The following AGAP1 variants were observed in gnomAD, a reference collection of about 807,000 sequenced individuals.
AGAP1 encodes the protein arf-GAP with GTPase, ANK repeat and PH domain-containing protein 1.
In AGAP1, 29 loss-of-function variants were observed where a neutral mutation model predicts 105.3. The ratio of observed to expected loss-of-function variants is 0.28; its 90% CI spans 0.21 to 0.38. The LOEUF (loss-of-function observed/expected upper bound fraction) is 0.38, where lower values mean the gene tolerates loss of function less well. Among genes scored for constraint, AGAP1 ranks in the 10% least tolerant of loss-of-function variants. AGAP1 has a pLI of 1.00. For missense variants in AGAP1, 998 were observed against 1,165.1 expected (o/e 0.86, Z 2.09); for synonymous variants, 509 against 485.9 (o/e 1.05, Z -0.63).
In AGAP1 at chr2:235,966,286, C is replaced by T. The variant is rs552510303; in HGVS notation, c.1484-2176C>T. The stretch of plus-strand genomic sequence containing the variant: ...GGATGGAGGAGAGGGGGGCCTGTTC[C>T]TCTGGGGATGGAGAAGAGGGGGGCC... On this transcript the variant is annotated intron_variant, in intron 12 of 17. Transcript: ENST00000304032. Among the ~76,000 whole-genome samples, 326 of 144,548 alleles carry T rather than the reference C, an allele frequency of 2.3e-3. 1 individual carries two copies. Among genetic ancestry groups the T allele is most frequent in the Middle Eastern group, 3.9e-3 (1 of 258 alleles). The allele number at this position is 144,548 out of a possible 152,430, so 94.8% of individuals were successfully genotyped here. A position where few individuals can be genotyped will look rare whatever the true frequency, so the allele number is the denominator to read the frequency against.
rs2051081262 is a variant in AGAP1, at chr2:235,901,877, T to C, written c.1156-6861T>C. Among the ~76,000 whole-genome samples the C allele has an allele frequency of 4.8e-5, 3 of 62,272 alleles. No individual in the cohort carries two copies. In the South Asian group the frequency reaches 3.1e-3, roughly 65 times the overall value. 40.9% of individuals were successfully genotyped at this position (62,272 alleles called of 152,430 possible). On this transcript the variant is annotated intron_variant, in intron 10 of 17. Transcript: ENST00000304032. This position sits in a 1 kb window ranked among gnomAD's most constrained non-coding sequence, Gnocchi z 4.3. ...CTGGGCGACAGAGTGAGACTCCGTC[T>C]CGGAAAAAAAAAAAAAAATTATGGA...
At chr2:235,869,326 T>TG (rs1246697087) in intron 9 of AGAP1, among the ~76,000 whole-genome samples, 3 of 144,376 alleles carry the variant, frequency 2.1e-5, no homozygotes, top group African/African-American at 5.1e-5. Flanking sequence ...GGCTCACGCC[T>TG]GTAATCCCAG....
At chr2:235,898,737 C>T (rs1192615825) in intron 10 of AGAP1, among the ~76,000 whole-genome samples, 1 of 152,122 alleles carries the variant, frequency 6.6e-6, no homozygotes, top group African/African-American at 2.4e-5. Flanking sequence ...TATCATGAAG[C>T]TAGAACTGTT....
rs996563682 is a variant in AGAP1, at chr2:235,905,481, G to A, written c.1156-3257G>A. Among the ~76,000 whole-genome samples the A allele has an allele frequency of 6.6e-6, 1 of 152,144 alleles. No individual in the cohort carries two copies. The highest frequency in any genetic ancestry group is 6.5e-5 in the Admixed American group (1 of 15,274). ...TGACCAACACTCACCACTCTACGGT[G>A]TGCTTTTCCTTTCTTTTCTCTTTTC... On this transcript the variant is annotated intron_variant, in intron 10 of 17. Transcript: ENST00000304032. This position sits in a 1 kb window ranked among gnomAD's most constrained non-coding sequence, Gnocchi z 4.2.
chr2:235,501,386 T>A (rs1351553279), intron 1 of AGAP1, among the ~76,000 whole-genome samples: 1 of 152,220 alleles, frequency 6.6e-6, no homozygotes, highest in Non-Finnish European at 1.5e-5. Flanking sequence ...ATTCACTTAT[T>A]ATATGATAAT....
rs1321372315 is a variant in AGAP1, at chr2:236,036,263, T to C, written c.1646-298T>C. Among the ~76,000 whole-genome samples the C allele has an allele frequency of 6.6e-6, 1 of 152,232 alleles. No homozygotes were observed. Among genetic ancestry groups the C allele is most frequent in the Non-Finnish European group, 1.5e-5 (1 of 68,040 alleles). ...GCCATGAGTTACATGGTTATTCTCC[T>C]AAGTTGCTTTGTGTGTGCACCACAC... On this transcript the variant is annotated intron_variant, in intron 13 of 17. Coordinates refer to ENST00000304032, the MANE Select transcript of AGAP1 (RefSeq NM_001037131.3). This position sits in a 1 kb window ranked among gnomAD's most constrained non-coding sequence, Gnocchi z 5.7.
chr2:235,523,894 G>T (rs1942724225), intron 1 of AGAP1, among the ~76,000 whole-genome samples: 1 of 152,024 alleles, frequency 6.6e-6, no homozygotes, highest in African/African-American at 2.4e-5. Context: ...CCTGACCAGG[G>T]TATGGGATTG....
chr2:235,912,889 T>C (rs2051687877), intron 11 of AGAP1, among the ~76,000 whole-genome samples: 1 of 152,254 alleles, frequency 6.6e-6, no homozygotes, highest in African/African-American at 2.4e-5. Context: ...GTAATGAAGT[T>C]GAACAGCTCA....
intron 13 of AGAP1, among the ~76,000 whole-genome samples, chr2:235,986,188 C>G (rs771012617): frequency 2.6e-5 from 4 of 152,018 alleles, no homozygotes; most frequent in Non-Finnish European, 5.9e-5. Flanking sequence ...CCTTCACATC[C>G]CTTGTTAGTT....
intron 1 of AGAP1, among the ~76,000 whole-genome samples, chr2:235,686,622 TATATATATATATATATATATATAG>T (rs1353374609): frequency 4.7e-4 from 13 of 27,582 alleles, no homozygotes; most frequent in Non-Finnish European, 9.0e-4. Context: ...GAGATATAGA[TATATATATATATATATATATATAG>T]ATATATATAT....
rs1171309676 is a variant in AGAP1, at chr2:235,982,825, C to T, written c.1645+14202C>T. The stretch of plus-strand genomic sequence containing the variant: ...ATTAATATGTTACTGTCATCAGTGA[C>T]TTGTTACCTTCTGTTTCTGATTGCC... On this transcript the variant is annotated intron_variant, in intron 13 of 17. Coordinates refer to ENST00000304032, the MANE Select transcript of AGAP1 (RefSeq NM_001037131.3). This position sits in a 1 kb window ranked among gnomAD's most constrained non-coding sequence, Gnocchi z 4.9. 6.6e-6 allele frequency among the ~76,000 whole-genome samples: 1 copy of T among 152,188 alleles called. No homozygotes were observed. Among genetic ancestry groups the T allele is most frequent in the Non-Finnish European group, 1.5e-5 (1 of 68,040 alleles).
rs554144582 is a variant in AGAP1, at chr2:236,053,619, A to G, written c.2114+4338A>G. Among the ~76,000 whole-genome samples, 24 of 152,388 alleles carry G rather than the reference A, an allele frequency of 1.6e-4. No homozygotes were observed. Among genetic ancestry groups the G allele is most frequent in the African/African-American group, 5.5e-4 (23 of 41,598 alleles). Reference sequence around the variant, plus strand: ...TGGCAGAAGCCTCGCTCTGCGTGGCACTGCATCTCCCCATCTTTGTGTCCT... The same window carrying G: ...TGGCAGAAGCCTCGCTCTGCGTGGCGCTGCATCTCCCCATCTTTGTGTCCT... On this transcript the variant is annotated intron_variant, in intron 16 of 17. Coordinates refer to ENST00000304032, the MANE Select transcript of AGAP1 (RefSeq NM_001037131.3). The surrounding 1 kb of genome is among the most constrained non-coding windows in gnomAD (Gnocchi z 4.6).
intron 6 of AGAP1, among the ~76,000 whole-genome samples, chr2:235,785,663 G>T (rs1221562392): frequency 6.6e-6 from 1 of 151,834 alleles, no homozygotes; most frequent in East Asian, 1.9e-4. Flanking sequence ...TTAAAATTTT[G>T]TGTAGTTTCT....
intron 16 of AGAP1, among the ~76,000 whole-genome samples, chr2:236,077,986 C>G (rs2058684351): frequency 1.3e-5 from 2 of 151,962 alleles, no homozygotes; most frequent in South Asian, 4.1e-4. Context: ...GGTCTTTGCT[C>G]TGCTCACAGC....
intron 7 of AGAP1, among the ~76,000 whole-genome samples, chr2:235,798,870 CAAAAA>C (rs1041317180): frequency 6.1e-5 from 3 of 49,004 alleles, no homozygotes; most frequent in Non-Finnish European, 1.4e-4. Flanking sequence ...GACCCTGTCT[CAAAAA>C]AAAAAAAAAA....
At chr2:235,903,954 C>G (rs543414974) in intron 10 of AGAP1, among the ~76,000 whole-genome samples, 1 of 152,124 alleles carries the variant, frequency 6.6e-6, no homozygotes, top group South Asian at 2.1e-4. Context: ...GCGTCCTTCT[C>G]CAAAGGCAGC....
chr2:235,957,280 C>T lies in AGAP1; in HGVS notation c.1484-11182C>T, dbSNP rs1408594440. Among the ~76,000 whole-genome samples, 1 of 152,198 alleles carries T rather than the reference C, an allele frequency of 6.6e-6. No individual in the cohort carries two copies. Among genetic ancestry groups the T allele is most frequent in the East Asian group, 1.9e-4 (1 of 5,194 alleles). Reference sequence around the variant, plus strand: ...CTGACTAGGCTTAATTTAGAGAGATCTCTGGGCGTAATTGAAAATGGCCCA... The same window carrying T: ...CTGACTAGGCTTAATTTAGAGAGATTTCTGGGCGTAATTGAAAATGGCCCA... On this transcript the variant is annotated intron_variant, in intron 12 of 17. Transcript: ENST00000304032. This position sits in a 1 kb window ranked among gnomAD's most constrained non-coding sequence, Gnocchi z 4.6.
chr2:236,073,001 CTT>C lies in AGAP1; in HGVS notation c.2114+23732_2114+23733del, dbSNP rs60857911. 2.7e-5 allele frequency among the ~76,000 whole-genome samples: 4 copies of C among 145,894 alleles called. No individual in the cohort carries two copies. Among genetic ancestry groups the C allele is most frequent in the African/African-American group, 7.5e-5 (3 of 40,186 alleles). On this transcript the variant is annotated intron_variant, in intron 16 of 17. Transcript: ENST00000304032. The surrounding 1 kb of genome is among the most constrained non-coding windows in gnomAD (Gnocchi z 5.4). Reference sequence around the variant, plus strand: ...AAAGCATTCAGGAGATATTTATATTCTTTTTTTTTTTTTCCTAGACAGTCTCG... The same window carrying C: ...AAAGCATTCAGGAGATATTTATATTCTTTTTTTTTTTCCTAGACAGTCTCG...
At chr2:235,773,573 A>G (rs1955625510) in intron 6 of AGAP1, among the ~76,000 whole-genome samples, 1 of 152,136 alleles carries the variant, frequency 6.6e-6, no homozygotes, top group African/African-American at 2.4e-5. Flanking sequence ...TTTTCGTTCG[A>G]TTTAGTTCTA....
Sources: allele counts gnomAD v4.1 joint callset (sites outside exome capture counted in the v4.1 genomes callset), GRCh38; gene constraint gnomAD v4.1.1; non-coding constraint Gnocchi (gnomAD v3.1); transcripts MANE v1.5; gene names NCBI Gene and HGNC (gene_info 2026-07-23, HGNC 2026-07-21).